The following PAK1 variants were observed in gnomAD, a reference collection of about 807,000 sequenced individuals.
PAK1 encodes the protein p21 (RAC1) activated kinase 1.
Under a neutral mutation model 67.4 loss-of-function variants are expected in PAK1, and 29 were observed. The observed-to-expected ratio is 0.43, with a 90% confidence interval of 0.32 to 0.59. The LOEUF is 0.59. Among genes scored for constraint, PAK1 ranks in the 20% least tolerant of loss-of-function variants. The probability of loss-of-function intolerance (pLI) is 0.07; values close to 1 mark genes in which losing one functional copy is unlikely to be tolerated. For synonymous variants in PAK1, 223 were observed against 237.4 expected (o/e 0.94, Z 0.56); for missense variants, 337 against 670.7 (o/e 0.50, Z 5.50).
chr11:77,412,322 C>A (rs1954653492), intron 1 of PAK1, among the ~76,000 whole-genome samples: 1 of 152,096 alleles, frequency 6.6e-6, no homozygotes, highest in Non-Finnish European at 1.5e-5. Context: ...AGATACACCT[C>A]CCCCCTCCCC....
At chr11:77,353,434 G>T in intron 8 of PAK1, 102 bp downstream of exon 8, 2 of 780,856 alleles carry the variant, frequency 2.6e-6, no homozygotes, top group Non-Finnish European at 4.5e-6. Flanking sequence ...AGTGGAGAAA[G>T]AAGAACAAGG....
chr11:77,438,593 T>C lies in PAK1; in HGVS notation c.-22+34959A>G, dbSNP rs1173364142. Among the ~76,000 whole-genome samples, 5 of 152,202 alleles carry C rather than the reference T, an allele frequency of 3.3e-5. 1 individual carries two copies. The highest frequency in any genetic ancestry group is 4.1e-4 in the South Asian group (2 of 4,832). ...TTTTAACTAATGCTGTTGCTCCCAA[T>C]AGAAATCTCAAGGTACACAGGTCAC... On this transcript the variant is annotated intron_variant, in intron 1 of 14. Transcript: ENST00000356341.
chr11:77,400,450 T>C (rs192657790), intron 1 of PAK1, among the ~76,000 whole-genome samples: 2 of 152,260 alleles, frequency 1.3e-5, no homozygotes, highest in East Asian at 1.9e-4. Context: ...TGTGGAGAGA[T>C]GACAATGAGA....
chr11:77,386,197 CA>C (rs1950429990), intron 2 of PAK1, among the ~76,000 whole-genome samples: 1 of 152,186 alleles, frequency 6.6e-6, no homozygotes, highest in African/African-American at 2.4e-5. Context: ...ATCAAAGTTT[CA>C]GCACAAATCA....
At chr11:77,383,512 G>A (rs1480644867) in intron 2 of PAK1, among the ~76,000 whole-genome samples, 29 of 152,050 alleles carry the variant, frequency 1.9e-4, no homozygotes, top group Admixed American at 1.9e-3. Flanking sequence ...TTGCAGTAGA[G>A]ACAGGGTTTC....
intron 1 of PAK1, among the ~76,000 whole-genome samples, chr11:77,421,568 AC>A (rs1955265220): frequency 6.6e-6 from 1 of 152,188 alleles, no homozygotes; most frequent in Non-Finnish European, 1.5e-5. Flanking sequence ...TTATCTCCAG[AC>A]CTCAGAACTA....
At chr11:77,364,961 A>C (rs571221630) in intron 5 of PAK1, among the ~76,000 whole-genome samples, 11 of 152,294 alleles carry the variant, frequency 7.2e-5, no homozygotes, top group Admixed American at 3.9e-4. Context: ...TGAATTTGAA[A>C]ATGGAGGTGG....
the PAK1 span, among the ~76,000 whole-genome samples, chr11:77,494,960 G>A: frequency 3.3e-5 from 5 of 151,766 alleles, no homozygotes; most frequent in African/African-American, 4.8e-5. Flanking sequence ...TCAGGGGTTC[G>A]AGACCAACCT....
At chr11:77,433,098 A>G (rs1017396254) in intron 1 of PAK1, among the ~76,000 whole-genome samples, 1 of 152,216 alleles carries the variant, frequency 6.6e-6, no homozygotes, top group African/African-American at 2.4e-5. Flanking sequence ...CGAAGAAAGA[A>G]TAGTCTTTTC....
chr11:77,431,085 C>T (rs553563530), intron 1 of PAK1, among the ~76,000 whole-genome samples: 8 of 152,146 alleles, frequency 5.3e-5, no homozygotes, highest in Admixed American at 5.2e-4. Flanking sequence ...CCCACAAGCT[C>T]AGTCCATGGA....
chr11:77,401,122 C>A (rs910955398), intron 1 of PAK1, among the ~76,000 whole-genome samples: 1 of 152,230 alleles, frequency 6.6e-6, no homozygotes, highest in Non-Finnish European at 1.5e-5. Flanking sequence ...CCAAACAGCT[C>A]ACAGCAGCTG....
chr11:77,440,423 T>C (rs867262830), intron 1 of PAK1, among the ~76,000 whole-genome samples: 1 of 152,272 alleles, frequency 6.6e-6, no homozygotes, highest in Middle Eastern at 3.4e-3. Context: ...GCACCTACTA[T>C]AAGGGCACTT....
intron 1 of PAK1, among the ~76,000 whole-genome samples, chr11:77,406,965 A>C (rs1207153713): frequency 6.6e-6 from 1 of 152,188 alleles, no homozygotes; most frequent in Non-Finnish European, 1.5e-5. Flanking sequence ...AATCCAGAAG[A>C]GGGGCCCTTA....
chr11:77,336,534 G>A (rs1942721704), intron 12 of PAK1, among the ~76,000 whole-genome samples: 1 of 152,206 alleles, frequency 6.6e-6, no homozygotes, highest in Non-Finnish European at 1.5e-5. Flanking sequence ...TCAAACCAGG[G>A]GACTTAGTGT....
At chr11:77,324,172 CTTTTT>C (rs11324143) in intron 14 of PAK1, among the ~76,000 whole-genome samples, 2 of 127,454 alleles carry the variant, frequency 1.6e-5, no homozygotes, top group Non-Finnish European at 1.6e-5. Flanking sequence ...AAAGCAATTC[CTTTTT>C]TTTTTTTTTT....
chr11:77,419,303 C>T (rs1565689538), intron 1 of PAK1, among the ~76,000 whole-genome samples: 1 of 152,174 alleles, frequency 6.6e-6, no homozygotes, highest in Non-Finnish European at 1.5e-5. Flanking sequence ...TACAAGTTAG[C>T]AGTTAACATG....
At chr11:77,347,623 T>C (rs1319344472) in intron 9 of PAK1, among the ~76,000 whole-genome samples, 3 of 152,206 alleles carry the variant, frequency 2.0e-5, no homozygotes, top group Non-Finnish European at 4.4e-5. Context: ...CGTGTCAATA[T>C]TACAAGGCTT....
intron 1 of PAK1, among the ~76,000 whole-genome samples, chr11:77,425,129 T>A (rs1366680714): frequency 6.6e-6 from 1 of 152,224 alleles, no homozygotes; most frequent in African/African-American, 2.4e-5. Flanking sequence ...GGCTTTTTTT[T>A]AAGTGATAAT....
At chr11:77,429,960 T>A (rs1267893166) in intron 1 of PAK1, among the ~76,000 whole-genome samples, 1 of 152,218 alleles carries the variant, frequency 6.6e-6, no homozygotes, top group Non-Finnish European at 1.5e-5. Flanking sequence ...CTAAGTTTGA[T>A]ATCGCTTTTT....
Sources: allele counts gnomAD v4.1 joint callset (sites outside exome capture counted in the v4.1 genomes callset), GRCh38; gene constraint gnomAD v4.1.1; transcripts MANE v1.5; gene names NCBI Gene and HGNC (gene_info 2026-07-23, HGNC 2026-07-21).